Variants in AGPAT3 observed in about 807,000 individuals in gnomAD.
AGPAT3 encodes the protein 1-acylglycerol-3-phosphate O-acyltransferase 3, also known as 1-acyl-sn-glycerol-3-phosphate acyltransferase gamma.
Under a neutral mutation model 47.3 loss-of-function variants are expected in AGPAT3, and 5 were observed. That is an observed-to-expected ratio of 0.11 (90% CI 0.06 to 0.22). The LOEUF is 0.22. AGPAT3 is among the 10% of genes least tolerant of loss of function. AGPAT3 has a pLI of 1.00. For synonymous variants in AGPAT3, 212 were observed against 208.3 expected (o/e 1.02, Z -0.15); for missense variants, 315 against 493.0 (o/e 0.64, Z 3.42).
chr21:43,901,344 AGAG>A (rs1400861483), intron 1 of AGPAT3, among the ~76,000 whole-genome samples: 67 of 151,640 alleles, frequency 4.4e-4, no homozygotes, highest in Non-Finnish European at 5.2e-4. Flanking sequence ...AAAAAAGAGA[AGAG>A]AAAAGAGAAG....
At chr21:43,969,355 A>G in intron 5 of AGPAT3, 76 bp downstream of exon 5, 1 of 1,572,676 alleles carries the variant, frequency 6.4e-7, no homozygotes, top group East Asian at 2.3e-5. Flanking sequence ...GGCTGCCCAC[A>G]TCCCAGGCTG....
At chr21:43,974,547 ATGTGTGTGGTGTG>A (rs371869848) in intron 7 of AGPAT3, among the ~76,000 whole-genome samples, 28 of 149,022 alleles carry the variant, frequency 1.9e-4, no homozygotes, top group African/African-American at 6.7e-4. Context: ...TGTAAATTAT[ATGTGTGTGGTGTG>A]TGTGTAGTGT....
intron 1 of AGPAT3, among the ~76,000 whole-genome samples, chr21:43,869,311 C>T (rs2085574639): frequency 6.6e-6 from 1 of 152,182 alleles, no homozygotes; most frequent in African/African-American, 2.4e-5. Context: ...TGATTTAGGC[C>T]ATTGTCCTAG....
rs2089863857 is a variant in AGPAT3 at position 43,981,840 on chromosome 21, G to C, written c.1043-464G>C. ...GCCCCTGCCAGGGGCCTTGGTGGGA[G>C]GGGTCCTGAGAGGCAGTGACTGCCA... On this transcript the variant is annotated intron_variant, in intron 9 of 9. Coordinates refer to ENST00000291572, the MANE Select transcript of AGPAT3 (RefSeq NM_020132.5). This position sits in a 1 kb window ranked among gnomAD's most constrained non-coding sequence, Gnocchi z 5.3. Among the ~76,000 whole-genome samples the C allele has an allele frequency of 6.6e-6, 1 of 151,886 alleles. No individual in the cohort carries two copies. The highest frequency in any genetic ancestry group is 6.5e-5 in the Admixed American group (1 of 15,268).
intron 2 of AGPAT3, among the ~76,000 whole-genome samples, chr21:43,906,858 A>G (rs1248522311): frequency 6.6e-6 from 1 of 152,148 alleles, no homozygotes; most frequent in African/African-American, 2.4e-5. Flanking sequence ...GCCGACACAC[A>G]CATGCTGGGT....
intron 2 of AGPAT3, among the ~76,000 whole-genome samples, chr21:43,956,694 G>T (rs1381835714): frequency 6.6e-6 from 1 of 152,198 alleles, no homozygotes; most frequent in Non-Finnish European, 1.5e-5. Flanking sequence ...GGTTGCAGGT[G>T]AGCTGAGGCC....
intron 2 of AGPAT3, among the ~76,000 whole-genome samples, chr21:43,958,429 G>A (rs2088597235): frequency 6.6e-6 from 1 of 151,976 alleles, no homozygotes; most frequent in African/African-American, 2.4e-5. Flanking sequence ...GTTTTGCACT[G>A]TGGTGTGTGT....
At chr21:43,957,703 C>T (rs1434209676) in intron 2 of AGPAT3, among the ~76,000 whole-genome samples, 1 of 147,762 alleles carries the variant, frequency 6.8e-6, no homozygotes, top group Non-Finnish European at 1.5e-5. Flanking sequence ...TCTCGGGTTT[C>T]CCCCTCCACA....
chr21:43,975,772 C>A lies in AGPAT3; in HGVS notation c.768-2274C>A, dbSNP rs17004618. ...TTTTTGTTTTTGGCTTACAACGCAGCGATTTGCTTCTCCCTCATAAAGGTC... is the reference window on the plus strand; with the variant it reads ...TTTTTGTTTTTGGCTTACAACGCAGAGATTTGCTTCTCCCTCATAAAGGTC... On this transcript the variant is annotated intron_variant, in intron 7 of 9. Transcript: ENST00000291572. Among the ~76,000 whole-genome samples the A allele has an allele frequency of 6.4e-3, 970 of 152,286 alleles. 9 individuals carry two copies. The highest frequency in any genetic ancestry group is 0.023 in the African/African-American group (937 of 41,554).
intron 2 of AGPAT3, among the ~76,000 whole-genome samples, chr21:43,950,184 CA>C (rs1050900070): frequency 2.0e-4 from 30 of 152,314 alleles, no homozygotes; most frequent in African/African-American, 7.2e-4. Context: ...ATTCGGAGGC[CA>C]CTGCAGTCTG....
At chr21:43,909,679 T>C (rs923835451) in intron 2 of AGPAT3, among the ~76,000 whole-genome samples, 6 of 152,156 alleles carry the variant, frequency 3.9e-5, no homozygotes, top group Non-Finnish European at 8.8e-5. Context: ...TGCTGTTCCA[T>C]CATATTTGTC....
chr21:43,900,084 G>C (rs1333748762), intron 1 of AGPAT3, among the ~76,000 whole-genome samples: 3 of 152,222 alleles, frequency 2.0e-5, no homozygotes, highest in African/African-American at 7.2e-5. Context: ...TAAATGATCT[G>C]GAGGTAGAAA....
chr21:43,919,344 C>G (rs1269723826), intron 2 of AGPAT3, among the ~76,000 whole-genome samples: 1 of 152,124 alleles, frequency 6.6e-6, no homozygotes, highest in African/African-American at 2.4e-5. Context: ...TTATATCACT[C>G]TATGTTTTTG....
At position 43,873,419 on chromosome 21, in the gene AGPAT3, C is replaced by T. The variant is rs776709868; in HGVS notation, c.-112+8074C>T. Reference sequence around the variant, plus strand: ...CAAAACCCATGTGCCCTGAGGACTCCGGCTCTAGTACCTGGAAGGAGAACA... The same window carrying T: ...CAAAACCCATGTGCCCTGAGGACTCTGGCTCTAGTACCTGGAAGGAGAACA... On this transcript the variant is annotated intron_variant, in intron 1 of 9. Transcript: ENST00000291572. 5.9e-5 allele frequency among the ~76,000 whole-genome samples: 9 copies of T among 152,288 alleles called. No individual in the cohort carries two copies. The South Asian group carries it at 8.3e-4, about 14-fold the overall frequency.
rs1459958118 is a variant in AGPAT3, at chr21:43,970,778, C to T, written c.636C>T (p.Thr212=). 6.3e-7 allele frequency: 1 copy of T among 1,596,216 alleles called. No individual in the cohort carries two copies. Among genetic ancestry groups the T allele is most frequent in the African/African-American group, 1.3e-5 (1 of 74,462 alleles). ...YHLLPRTKGF[T]TAVKCLRGTV... The stretch of plus-strand genomic sequence containing the variant: ...TGCTGCCGCGGACCAAGGGCTTCAC[C>T]ACCGCAGTCAAGTGCCTCCGGGGGA... Residue 212 remains threonine (T), a synonymous_variant, in exon 6 of 10, where the codon ACC becomes ACT. Coordinates refer to ENST00000291572, the MANE Select transcript of AGPAT3 (RefSeq NM_020132.5). This position sits in a 1 kb window ranked among gnomAD's most constrained non-coding sequence, Gnocchi z 5.8.
intron 1 of AGPAT3, among the ~76,000 whole-genome samples, chr21:43,871,875 T>C (rs1271893877): frequency 6.6e-6 from 1 of 152,258 alleles, no homozygotes; most frequent in Non-Finnish European, 1.5e-5. Flanking sequence ...TTTTTTGTTT[T>C]GGTGAAAAGA....
chr21:43,981,693 G>A lies in AGPAT3; in HGVS notation c.1042+506G>A, dbSNP rs769126970. The stretch of plus-strand genomic sequence containing the variant: ...CCAGCCTGTCCCTGTGGTGAGCTCC[G>A]GCGCCCACCCACACCCCGTAATTGA... On this transcript the variant is annotated intron_variant, in intron 9 of 9. Transcript: ENST00000291572. This position sits in a 1 kb window ranked among gnomAD's most constrained non-coding sequence, Gnocchi z 5.3. 2.6e-5 allele frequency among the ~76,000 whole-genome samples: 4 copies of A among 152,038 alleles called. No individual in the cohort carries two copies. Among genetic ancestry groups the A allele is most frequent in the Admixed American group, 6.5e-5 (1 of 15,272 alleles).
intron 1 of AGPAT3, among the ~76,000 whole-genome samples, chr21:43,890,517 A>G (rs2086079956): frequency 6.6e-6 from 1 of 151,440 alleles, no homozygotes; most frequent in African/African-American, 2.4e-5. Flanking sequence ...GGCTCAAGCG[A>G]TCCTCCCACC....
At chr21:43,938,085 TTCTCTCTC>T (rs10587738) in intron 2 of AGPAT3, among the ~76,000 whole-genome samples, 1 of 148,432 alleles carries the variant, frequency 6.7e-6, no homozygotes, top group African/African-American at 2.5e-5. Flanking sequence ...CTCCCCCACT[TTCTCTCTC>T]TCTCTCTCTC....
Sources: gnomAD v4.1 joint callset for allele counts (sites outside exome capture counted in the v4.1 genomes callset) on GRCh38, gnomAD v4.1.1 for gene constraint, Gnocchi (gnomAD v3.1) non-coding constraint, MANE v1.5 for transcripts, NCBI Gene and HGNC (gene_info 2026-07-23, HGNC 2026-07-21) for gene names.